The following MTO1 variants were observed in gnomAD, a reference collection of about 807,000 sequenced individuals.
MTO1 encodes the protein mitochondrial tRNA translation optimization 1.
MTO1 carries 46 observed loss-of-function variants against 71.6 expected under a neutral mutation model. That is an observed-to-expected ratio of 0.64 (90% CI 0.51 to 0.82). The LOEUF is 0.82. Among genes scored for constraint, MTO1 ranks in the 40% least tolerant of loss-of-function variants. MTO1 has a pLI of 0.00. For synonymous variants in MTO1, 297 were observed against 312.1 expected, an observed-to-expected ratio of 0.95 and a Z score of 0.51; for missense variants, 773 against 867.5, an observed-to-expected ratio of 0.89 and a Z score of 1.37.
intron 3 of MTO1, among the ~76,000 whole-genome samples, chr6:73,470,091 C>T (rs564011877): frequency 6.6e-6 from 1 of 152,332 alleles, no homozygotes; most frequent in South Asian, 2.1e-4. Context: ...ATCAGTTTTC[C>T]ACCTAAGAGA....
At chr6:73,484,386 G>C (rs760881743) in intron 9 of MTO1, among the ~76,000 whole-genome samples, 2 of 152,152 alleles carry the variant, frequency 1.3e-5, no homozygotes, top group Non-Finnish European at 2.9e-5. Context: ...AGGGCTTGCT[G>C]TTTGCTTCCA....
intron 4 of MTO1, among the ~76,000 whole-genome samples, chr6:73,479,275 G>A (rs1470634593): frequency 2.0e-5 from 3 of 151,722 alleles, no homozygotes; most frequent in Admixed American, 1.3e-4. Context: ...CAGGTGGATC[G>A]CCTGAGGTCA....
In MTO1 at chr6:73,468,365, C is replaced by T. The variant is rs6926802; in HGVS notation, c.535+1759C>T. 8.6e-3 allele frequency among the ~76,000 whole-genome samples: 1,308 copies of T among 151,562 alleles called. 17 individuals are homozygous for T. Among genetic ancestry groups the T allele is most frequent in the African/African-American group, 0.03 (1,235 of 41,346 alleles). On this transcript the variant is annotated intron_variant, in intron 3 of 11. Coordinates refer to ENST00000498286, the MANE Select transcript of MTO1 (RefSeq NM_012123.4). ...AACTCCTGACCTCAAGCGATCCGCC[C>T]ACCTCAGCGTCTGAAAATGCTGGGA...
intron 4 of MTO1, among the ~76,000 whole-genome samples, chr6:73,474,856 A>G (rs569912846): frequency 6.6e-6 from 1 of 151,918 alleles, no homozygotes; most frequent in East Asian, 1.9e-4. Context: ...CCCAGGTTCA[A>G]GCAATTCTCC....
intron 1 of MTO1, among the ~76,000 whole-genome samples, chr6:73,465,219 G>A (rs534583508): frequency 9.3e-5 from 14 of 151,130 alleles, no homozygotes; most frequent in Middle Eastern, 3.4e-3. Flanking sequence ...GGTGGAGTGC[G>A]ATGGTGCCAT....
rs71000128 is a variant in MTO1, at chr6:73,505,551, GTTTTGTTTTTGT to G, written c.*4828_*4839del. 88,625 of 151,602 alleles carry G rather than the reference GTTTTGTTTTTGT, an allele frequency of 0.58. 26,899 individuals are homozygous for G. Among genetic ancestry groups the G allele is most frequent in the Non-Finnish European group, 0.68 (46,237 of 67,844 alleles). 9.4% of individuals were successfully genotyped at this position (151,602 alleles called of 1,614,324 possible). On this transcript the variant is annotated 3_prime_UTR_variant, in exon 12 of 12. Transcript: ENST00000498286. ...GTGAGTACAGAATTTCAGTTTTTTT[GTTTTGTTTTTGT>G]TTTTGTTTTTGAGATGGAGCCTCAC... is the stretch of plus-strand genomic sequence containing the variant.
At chr6:73,476,744 T>C (rs1466633641) in intron 4 of MTO1, among the ~76,000 whole-genome samples, 2 of 152,022 alleles carry the variant, frequency 1.3e-5, no homozygotes, top group Admixed American at 6.6e-5. Flanking sequence ...ATAACCCTTA[T>C]GCAATGATGA....
intron 9 of MTO1, among the ~76,000 whole-genome samples, chr6:73,489,619 CT>C (rs1396755415): frequency 6.6e-6 from 1 of 152,000 alleles, no homozygotes; most frequent in African/African-American, 2.4e-5. Flanking sequence ...ATGAACTCAT[CT>C]TTTTTTATGG....
Position 73,508,989 on chromosome 6 carries a change from G to A in MTO1, c.*8254G>A, listed in dbSNP as rs1228972021. On this transcript the variant is annotated 3_prime_UTR_variant, in exon 12 of 12. Coordinates refer to ENST00000498286, the MANE Select transcript of MTO1 (RefSeq NM_012123.4). ...GCAGATGCCCTCACCAGAAGGCTGA[G>A]AACCAGTTCCTCAGTTTGCATGCCT... The A allele has an allele frequency of 6.6e-6, 1 of 152,240 alleles. No individual in the cohort carries two copies. Among genetic ancestry groups the A allele is most frequent in the African/African-American group, 2.4e-5 (1 of 41,452 alleles). The allele number at this position is 152,240 out of a possible 1,614,324, so 9.4% of individuals were successfully genotyped here.
At position 73,480,698 on chromosome 6, in the gene MTO1, T is replaced by A. The variant is rs1771463646; in HGVS notation, c.1153T>A (p.Leu385Ile). The change falls in exon 7 of 12, where the codon TTA becomes ATA. Residue 385 changes from leucine to isoleucine, a missense_variant. Physicochemically the swap from Leu to Ile is conservative, Grantham distance 5 (BLOSUM62 2). Transcript: ENST00000498286. Reference protein sequence around the residue: ...QPGYGVQYDYLDPRQITPSLE... With the variant: ...QPGYGVQYDYIDPRQITPSLE... Reference sequence around the variant, plus strand: ...AGGCTACGGTGTTCAGTATGATTACTTAGATCCCCGTCAGATCACCCCTTC... The same window carrying A: ...AGGCTACGGTGTTCAGTATGATTACATAGATCCCCGTCAGATCACCCCTTC... 1 of 1,613,840 alleles carries A rather than the reference T, an allele frequency of 6.2e-7. No individual in the cohort carries two copies. Among genetic ancestry groups the A allele is most frequent in the Non-Finnish European group, 8.5e-7 (1 of 1,179,880 alleles).
In MTO1 at chr6:73,473,785, GAT is replaced by G. The variant is rs1771224967; in HGVS notation, c.825+132_825+133del. On this transcript the variant is annotated intron_variant, in intron 4 of 11. Coordinates refer to ENST00000498286, the MANE Select transcript of MTO1 (RefSeq NM_012123.4). ...ACTATTGCTTATAGTGCAAAGAAAT[GAT>G]TTTTTTTTTTTTTTTTTGAGATAAG... 6.4e-6 allele frequency: 4 copies of G among 628,104 alleles called. No homozygotes were observed. In the South Asian group the frequency reaches 7.1e-5, roughly 11 times the overall value. 38.9% of individuals were successfully genotyped at this position (628,104 alleles called of 1,614,324 possible). A position where few individuals can be genotyped will look rare whatever the true frequency, so the allele number is the denominator to read the frequency against.
chr6:73,485,024 G>A (rs1387602349), intron 9 of MTO1, among the ~76,000 whole-genome samples: 2 of 149,262 alleles, frequency 1.3e-5, no homozygotes, highest in Admixed American at 1.3e-4. Context: ...TCCAGCCTGC[G>A]TGACACAGCA....
chr6:73,498,372 C>G (rs550930624), intron 11 of MTO1, among the ~76,000 whole-genome samples: 1 of 151,326 alleles, frequency 6.6e-6, no homozygotes, highest in Admixed American at 6.6e-5. Context: ...TGTGATAAAG[C>G]ATCAGAGCAA....
At position 73,473,428 on chromosome 6, in the gene MTO1, T is replaced by C. The variant is rs759387071; in HGVS notation, c.599T>C (p.Met200Thr). Residue 200 changes from methionine (M) to threonine (T), a missense_variant, in exon 4 of 12, where the codon ATG becomes ACG. Physicochemically the swap from Met to Thr is moderately conservative, Grantham distance 81 (BLOSUM62 -1). Coordinates refer to ENST00000498286, the MANE Select transcript of MTO1 (RefSeq NM_012123.4). ...ILTTGTFLRG[M>T]IVIGLETHPA... ...ACTACTGGGACATTTCTGAGAGGCA[T>C]GATTGTAATTGGATTGGAGACGCAT... The C allele has an allele frequency of 6.2e-7, 1 of 1,614,154 alleles. No homozygotes were observed. The highest frequency in any genetic ancestry group is 2.2e-5 in the East Asian group (1 of 44,888).
At position 73,504,977 on chromosome 6, in the gene MTO1, A is replaced by C. The variant is rs1772247074; in HGVS notation, c.*4242A>C. ...CGCAAGCAGATCACTTGAGGATAGG[A>C]GTTTGAGACCAGCCTGACCAACATG... On this transcript the variant is annotated 3_prime_UTR_variant, in exon 12 of 12. Transcript: ENST00000498286. 1 of 152,086 alleles carries C rather than the reference A, an allele frequency of 6.6e-6. No homozygotes were observed. Among genetic ancestry groups the C allele is most frequent in the East Asian group, 1.9e-4 (1 of 5,182 alleles). 9.4% of individuals were successfully genotyped at this position (152,086 alleles called of 1,614,324 possible).
At chr6:73,475,842 C>T (rs1437301752) in intron 4 of MTO1, among the ~76,000 whole-genome samples, 1 of 151,940 alleles carries the variant, frequency 6.6e-6, no homozygotes, top group African/African-American at 2.4e-5. Flanking sequence ...AGGTGATCCA[C>T]CTTCAGCCTC....
At chr6:73,462,117 C>A (rs771037293) in intron 1 of MTO1, 46 bp downstream of exon 1, 6 of 1,588,650 alleles carry the variant, frequency 3.8e-6, no homozygotes, top group Non-Finnish European at 5.2e-6. Flanking sequence ...ACGCAGGCTG[C>A]TTCCTTCCCG....
Position 73,509,171 on chromosome 6 carries a change from C to T in MTO1, c.*8436C>T, listed in dbSNP as rs1772361806. 1 of 152,166 alleles carries T rather than the reference C, an allele frequency of 6.6e-6. No homozygotes were observed. Among genetic ancestry groups the T allele is most frequent in the South Asian group, 2.1e-4 (1 of 4,834 alleles). 9.4% of individuals were successfully genotyped at this position (152,166 alleles called of 1,614,324 possible). A position where few individuals can be genotyped will look rare whatever the true frequency, so the allele number is the denominator to read the frequency against. ...TGGTATTAGCCATCTGGTATTTAACCTCTGAAAACCACACAATCTTCTATA... is the reference window on the plus strand; with the variant it reads ...TGGTATTAGCCATCTGGTATTTAACTTCTGAAAACCACACAATCTTCTATA... On this transcript the variant is annotated 3_prime_UTR_variant, in exon 12 of 12. Transcript: ENST00000498286.
rs974318988 is a variant in MTO1, at chr6:73,508,393, C to A, written c.*7658C>A. The A allele has an allele frequency of 1.3e-5, 2 of 151,916 alleles. No individual in the cohort carries two copies. Among genetic ancestry groups the A allele is most frequent in the Non-Finnish European group, 2.9e-5 (2 of 67,992 alleles). 9.4% of individuals were successfully genotyped at this position (151,916 alleles called of 1,614,324 possible). On this transcript the variant is annotated 3_prime_UTR_variant, in exon 12 of 12. Coordinates refer to ENST00000498286, the MANE Select transcript of MTO1 (RefSeq NM_012123.4). ...TACATCCTTTTAAAACATGGGCAAT[C>A]CAAATTTATAACAGTAAATTAAGAT... is the stretch of plus-strand genomic sequence containing the variant.
Sources: gnomAD v4.1 joint callset for allele counts (sites outside exome capture counted in the v4.1 genomes callset) on GRCh38, gnomAD v4.1.1 for gene constraint, MANE v1.5 for transcripts, NCBI Gene and HGNC (gene_info 2026-07-23, HGNC 2026-07-21) for gene names.